The following ARHGAP6 variants were observed in gnomAD, a reference collection of about 807,000 sequenced individuals.
ARHGAP6 encodes rho GTPase-activating protein 6.
Under a neutral mutation model 55.7 loss-of-function variants are expected in ARHGAP6, and 16 were observed. The ratio of observed to expected loss-of-function variants is 0.29; its 90% confidence interval spans 0.19 to 0.44. ARHGAP6 has a LOEUF of 0.44. ARHGAP6 is among the 20% of genes least tolerant of loss of function. The pLI, the probability that ARHGAP6 is intolerant of heterozygous loss-of-function variation, is 1.00. For synonymous variants in ARHGAP6, 382 were observed against 360.9 expected, an observed-to-expected ratio of 1.06 and a Z score of -0.66; for missense variants, 698 against 808.9, an observed-to-expected ratio of 0.86 and a Z score of 1.66.
At position 11,138,750 on chromosome X, in the gene ARHGAP6, T is replaced by C; in HGVS notation, c.*113A>G. The C allele has an allele frequency of 1.2e-6, 1 of 856,275 alleles. No individual in the cohort carries two copies. Among genetic ancestry groups the C allele is most frequent in the South Asian group, 2.3e-5 (1 of 43,466 alleles). The allele number at this position is 856,275 out of a possible 1,213,427, so 70.6% of individuals were successfully genotyped here. A position where few individuals can be genotyped will look rare whatever the true frequency, so the allele number is the denominator to read the frequency against. On this transcript the variant is annotated 3_prime_UTR_variant, in exon 13 of 13. Coordinates refer to ENST00000337414, the MANE Select transcript of ARHGAP6 (RefSeq NM_013427.3). ...GTGAACTGGATTTCTCTTGTGTCAC[T>C]TTTGAGAAGTGTGAAAGAAGAACAC... is the stretch of plus-strand genomic sequence containing the variant.
intron 1 of ARHGAP6, among the ~76,000 whole-genome samples, chrX:11,577,865 G>T (rs4830740): frequency 0.38 from 41,217 of 109,092 alleles, 6,198 homozygotes; most frequent in East Asian, 0.96. Context: ...CAAAATGAAA[G>T]TCATCATCTT....
chrX:11,190,868 G>A (rs143277690), intron 3 of ARHGAP6, among the ~76,000 whole-genome samples: 6 of 112,007 alleles, frequency 5.4e-5, no homozygotes, highest in African/African-American at 1.9e-4. Flanking sequence ...TCCTGTTTCA[G>A]GAGAAGAGCA....
chrX:11,144,082 C>T lies in ARHGAP6; in HGVS notation c.2074G>A (p.Gly692Ser). The part of the protein sequence containing the change: ...LAMQEDAAPG[G>S]SEKLYRVPGQ... Reference sequence around the variant, plus strand: ...GGCACTCTGTAAAGCTTCTCCGAGCCCCCCGGGGCCGCGTCCTCTTGCATA... The same window carrying T: ...GGCACTCTGTAAAGCTTCTCCGAGCTCCCCGGGGCCGCGTCCTCTTGCATA... Residue 692 changes from glycine (G) to serine (S), a missense_variant, in exon 11 of 13, where the codon GGC (glycine) becomes AGC (serine). By Grantham distance (56) the Gly-to-Ser change is moderately conservative. Around this residue, in one of 3 missense-constraint regions of ARHGAP6, gnomAD observed 322 missense variants for 451.1 expected, o/e 0.71. Transcript: ENST00000337414. The T allele has an allele frequency of 6.6e-6, 8 of 1,210,617 alleles. No individual in the cohort carries two copies. The highest frequency in any genetic ancestry group is 8.9e-6 in the Non-Finnish European group (8 of 894,962).
chrX:11,598,771 C>T (rs1322420851), intron 1 of ARHGAP6, among the ~76,000 whole-genome samples: 2 of 111,868 alleles, frequency 1.8e-5, no homozygotes, highest in South Asian at 3.8e-4. Context: ...AGAAACACAG[C>T]CATGGCCAGG....
At chrX:11,556,180 ATGT>A (rs953388381) in intron 1 of ARHGAP6, among the ~76,000 whole-genome samples, 4 of 111,780 alleles carry the variant, frequency 3.6e-5, no homozygotes, top group African/African-American at 1.3e-4. Context: ...AGCACCATCA[ATGT>A]TGTTATCATC....
At chrX:11,561,695 A>C (rs2051385630) in intron 1 of ARHGAP6, among the ~76,000 whole-genome samples, 1 of 112,632 alleles carries the variant, frequency 8.9e-6, no homozygotes, top group South Asian at 3.7e-4. Context: ...AAGGAAATAA[A>C]GTTATATCTG....
At chrX:11,650,395 A>G (rs191823960) in intron 1 of ARHGAP6, among the ~76,000 whole-genome samples, 87 of 112,077 alleles carry the variant, frequency 7.8e-4, no homozygotes, top group African/African-American at 2.8e-3. Flanking sequence ...AGCAGCATCT[A>G]CTATATCTTT....
chrX:11,535,593 G>C (rs2051095804), intron 1 of ARHGAP6, among the ~76,000 whole-genome samples: 1 of 111,408 alleles, frequency 9.0e-6, no homozygotes, highest in African/African-American at 3.3e-5. Flanking sequence ...AGTTTTAAGG[G>C]CCTCTGCCCT....
At chrX:11,602,208 T>C (rs929293006) in intron 1 of ARHGAP6, among the ~76,000 whole-genome samples, 1 of 111,864 alleles carries the variant, frequency 8.9e-6, no homozygotes, top group African/African-American at 3.2e-5. Context: ...TCATGACATA[T>C]CTTAATAAAA....
chrX:11,190,175 T>G (rs181818430), intron 3 of ARHGAP6, among the ~76,000 whole-genome samples: 4 of 112,262 alleles, frequency 3.6e-5, no homozygotes, highest in African/African-American at 1.3e-4. Context: ...AAATGCTACT[T>G]GAAAAGCCTG....
intron 1 of ARHGAP6, among the ~76,000 whole-genome samples, chrX:11,393,441 A>G (rs761274964): frequency 1.8e-5 from 2 of 111,794 alleles, no homozygotes; most frequent in South Asian, 3.7e-4. Flanking sequence ...TTTTCTATGG[A>G]TATAACAAAA....
intron 1 of ARHGAP6, chrX:11,266,033 CTGTGTGTGTGTG>C (rs56408947): frequency 3.4e-4 from 57 of 168,389 alleles, no homozygotes; most frequent in Middle Eastern, 1.6e-3. Flanking sequence ...GCGTGTGTGC[CTGTGTGTGTGTG>C]TGTGTGTGTG....
chrX:11,470,597 G>A (rs2050338106), intron 1 of ARHGAP6, among the ~76,000 whole-genome samples: 1 of 112,930 alleles, frequency 8.9e-6, no homozygotes, highest in Non-Finnish European at 1.9e-5. Context: ...CTTAGATTTA[G>A]AAGGCAGGCA....
intron 1 of ARHGAP6, among the ~76,000 whole-genome samples, chrX:11,281,667 G>A (rs111454262): frequency 9.0e-6 from 1 of 110,883 alleles, no homozygotes; most frequent in Non-Finnish European, 1.9e-5. Flanking sequence ...GGACATAAAT[G>A]TTTATTATAA....
At chrX:11,520,120 G>A (rs1355876507) in intron 1 of ARHGAP6, among the ~76,000 whole-genome samples, 2 of 63,511 alleles carry the variant, frequency 3.1e-5, no homozygotes, top group African/African-American at 1.2e-4. Context: ...TTAACAGTTA[G>A]AGAATTGATT....
intron 1 of ARHGAP6, chrX:11,265,851 G>A: frequency 1.0e-6 from 1 of 953,759 alleles, no homozygotes; most frequent in Non-Finnish European, 1.3e-6. Context: ...AGCTGGCATA[G>A]CTGTGACTCC....
chrX:11,604,546 TG>T (rs2052012560), intron 1 of ARHGAP6, among the ~76,000 whole-genome samples: 4 of 111,609 alleles, frequency 3.6e-5, no homozygotes, highest in Admixed American at 2.8e-4. Context: ...CATAAATAGC[TG>T]CTATTTATTG....
chrX:11,571,709 AAATAAT>A lies in ARHGAP6; in HGVS notation c.588+92526_588+92531del, dbSNP rs565943916. Among the ~76,000 whole-genome samples, 13 of 95,771 alleles carry A rather than the reference AAATAAT, an allele frequency of 1.4e-4. No individual in the cohort carries two copies. The East Asian group carries it at 3.1e-3, about 23-fold the overall frequency. 83.2% of individuals were successfully genotyped at this position (95,771 alleles called of 115,157 possible). On this transcript the variant is annotated intron_variant, in intron 1 of 12. Coordinates refer to ENST00000337414, the MANE Select transcript of ARHGAP6 (RefSeq NM_013427.3). ...GCAACTTAGGGAGACCTTGTATATT[AAATAAT>A]AATAATAATAATAATAATAATAATT...
At chrX:11,364,256 T>C (rs937056889) in intron 1 of ARHGAP6, among the ~76,000 whole-genome samples, 2 of 110,043 alleles carry the variant, frequency 1.8e-5, no homozygotes, top group Admixed American at 1.9e-4. Context: ...TTGAGTACTA[T>C]GTTTACTACA....
Sources: allele counts gnomAD v4.1 joint callset (sites outside exome capture counted in the v4.1 genomes callset), GRCh38; gene constraint gnomAD v4.1.1; regional missense constraint gnomAD v4.1.1; transcripts MANE v1.5; gene names NCBI Gene and HGNC (gene_info 2026-07-23, HGNC 2026-07-21).